Variants in RUBCN observed in about 807,000 individuals in gnomAD.
RUBCN encodes the protein rubicon autophagy regulator.
In RUBCN, 74 loss-of-function variants were observed where a neutral mutation model predicts 113.2. The ratio of observed to expected loss-of-function variants is 0.65; its 90% CI spans 0.54 to 0.79. The LOEUF (loss-of-function observed/expected upper bound fraction) is 0.79. Ranked by LOEUF, RUBCN falls within the 30% of genes least tolerant of loss-of-function variation. RUBCN has a pLI of 0.00. For missense variants in RUBCN, 1,109 were observed against 1,251.7 expected (o/e 0.89, Z 1.72); for synonymous variants, 480 against 490.0 (o/e 0.98, Z 0.27).
chr3:197,741,539 T>C (rs890207101), upstream of RUBCN, among the ~76,000 whole-genome samples: 12 of 152,166 alleles, frequency 7.9e-5, no homozygotes, highest in African/African-American at 2.7e-4. Context: ...TATTCAATTA[T>C]ATAGGAACTG....
At chr3:197,724,249 CATGTTATAATAAGT>C (rs568357044) in intron 1 of RUBCN, among the ~76,000 whole-genome samples, 190 of 152,130 alleles carry the variant, frequency 1.2e-3, no homozygotes, top group African/African-American at 4.2e-3. Flanking sequence ...TTAAGCTCAC[CATGTTATAATAAGT>C]ATGTTATAAT....
chr3:197,737,104 T>C (rs940456260), upstream of RUBCN: 4 of 309,472 alleles, frequency 1.3e-5, no homozygotes, highest in Non-Finnish European at 2.2e-5. Context: ...CGCTCGTGGA[T>C]TACTACGCAC....
At chr3:197,749,463 G>C in exon 1 of RUBCN, 1 of 1,270,314 alleles carries the variant, frequency 7.9e-7, no homozygotes, top group South Asian at 1.3e-5. Flanking sequence ...AGGTGGAGGA[G>C]CGTGCCAGGG....
At chr3:197,746,390 C>G (rs1728746718) in intron 1 of RUBCN, among the ~76,000 whole-genome samples, 1 of 152,154 alleles carries the variant, frequency 6.6e-6, no homozygotes, top group South Asian at 2.1e-4. Flanking sequence ...TTATCTCTGG[C>G]ACGCCTCAAT....
intron 1 of RUBCN, among the ~76,000 whole-genome samples, chr3:197,745,085 G>A (rs984371124): frequency 3.3e-5 from 5 of 151,794 alleles, no homozygotes; most frequent in African/African-American, 1.2e-4. Flanking sequence ...AAGAGATCGA[G>A]ACCATCCTGG....
chr3:197,717,436 T>C (rs1257473893), intron 2 of RUBCN, among the ~76,000 whole-genome samples: 2 of 137,156 alleles, frequency 1.5e-5, no homozygotes, highest in East Asian at 2.3e-4. Context: ...AGAGCGAGAC[T>C]CCGTCTCAAA....
At chr3:197,692,764 G>A (rs557313985) in intron 11 of RUBCN, among the ~76,000 whole-genome samples, 1 of 152,318 alleles carries the variant, frequency 6.6e-6, no homozygotes, top group South Asian at 2.1e-4. Context: ...CCTCGAAAAT[G>A]TGTGAAAAAA....
rs1408423591 is a variant in RUBCN, at chr3:197,707,094, AGCACTTTGGGAGGCCGAGGCAGGC to A, written c.220-1943_220-1920del. Among the ~76,000 whole-genome samples the A allele has an allele frequency of 2.0e-4, 30 of 150,822 alleles. 1 individual carries two copies. The highest frequency in any genetic ancestry group is 7.5e-4 in the African/African-American group (30 of 40,148). ...CGCGGTGGCTCACGCCTGTAATCCCAGCACTTTGGGAGGCCGAGGCAGGCAGATCACGAGGTCAGGAGGTCAAGA... is the reference window on the plus strand; with the variant it reads ...CGCGGTGGCTCACGCCTGTAATCCCAAGATCACGAGGTCAGGAGGTCAAGA... On this transcript the variant is annotated intron_variant, in intron 2 of 19. Coordinates refer to ENST00000296343, the MANE Select transcript of RUBCN (RefSeq NM_014687.4).
intron 2 of RUBCN, among the ~76,000 whole-genome samples, chr3:197,709,432 G>GT (rs1030164879): frequency 5.3e-5 from 8 of 152,086 alleles, no homozygotes; most frequent in African/African-American, 1.9e-4. Context: ...CCAAGCTGGA[G>GT]TGCAATGGCG....
Position 197,701,683 on chromosome 3 carries a change from T to C in RUBCN, c.727+25A>G, listed in dbSNP as rs1476939595. 6 of 1,610,608 alleles carry C rather than the reference T, an allele frequency of 3.7e-6. No individual in the cohort carries two copies. The African/African-American group carries it at 8.0e-5, about 22-fold the overall frequency. ...TTTCCAGGGCTGGGGATAAATGTAA[T>C]GACCACTTTTTCCTGTCCCCATACC... On this transcript the variant is annotated intron_variant, in intron 6 of 19. Transcript: ENST00000296343.
Position 197,677,536 on chromosome 3 carries a change from C to T in RUBCN, c.2436G>A (p.Leu812=). Residue 812 remains leucine, a synonymous_variant, in exon 17 of 20, where the codon CTG becomes CTA. Transcript: ENST00000296343. ...TCTTCATGTGACACAGCTGGACCCG[C>T]AGCAGCTGAAAAGAAAGAGAGGGGG... is the stretch of plus-strand genomic sequence containing the variant. ...KVKLLNQVRL[L]RVQLCHMKNM... is the part of the protein sequence containing the mutation. 1.9e-6 allele frequency: 3 copies of T among 1,614,054 alleles called. No homozygotes were observed. The highest frequency in any genetic ancestry group is 1.1e-5 in the South Asian group (1 of 91,084).
At chr3:197,733,872 A>T (rs2109008006) in intron 1 of RUBCN, among the ~76,000 whole-genome samples, 1 of 152,356 alleles carries the variant, frequency 6.6e-6, no homozygotes, top group South Asian at 2.1e-4. Context: ...CCTGAATGAC[A>T]GGCACAGAAT....
intron 2 of RUBCN, among the ~76,000 whole-genome samples, chr3:197,706,916 C>T (rs1254527356): frequency 6.6e-6 from 1 of 152,104 alleles, no homozygotes; most frequent in Admixed American, 6.5e-5. Context: ...TGAAGACCTT[C>T]AGTATTCTGG....
intron 1 of RUBCN, among the ~76,000 whole-genome samples, chr3:197,720,548 C>T (rs575095140): frequency 6.6e-6 from 1 of 152,200 alleles, no homozygotes; most frequent in East Asian, 1.9e-4. Flanking sequence ...GCTGGGACTA[C>T]AGGCGCAGGC....
intron 1 of RUBCN, among the ~76,000 whole-genome samples, chr3:197,720,347 A>T (rs1726008542): frequency 6.6e-6 from 1 of 152,280 alleles, no homozygotes; most frequent in African/African-American, 2.4e-5. Flanking sequence ...GAAAGAATTA[A>T]GGTTGAAGTG....
At chr3:197,726,258 A>C (rs956759743) in intron 1 of RUBCN, among the ~76,000 whole-genome samples, 2 of 151,214 alleles carry the variant, frequency 1.3e-5, no homozygotes, top group African/African-American at 4.9e-5. Flanking sequence ...TTTTATTTTT[A>C]TTTTTTGAGA....
rs1477119648 is a variant in RUBCN at position 197,683,910 on chromosome 3, A to G, written c.1847+247T>C. On this transcript the variant is annotated intron_variant, in intron 12 of 19. Coordinates refer to ENST00000296343, the MANE Select transcript of RUBCN (RefSeq NM_014687.4). This position sits in a 1 kb window ranked among gnomAD's most constrained non-coding sequence, Gnocchi z 4.6. ...TTGAGACCTTCTGGGGCCTCTGGTT[A>G]TGATGAGAGTCAGCAGAGAAGGAAT... Among the ~76,000 whole-genome samples the G allele has an allele frequency of 2.0e-5, 3 of 152,164 alleles. No individual in the cohort carries two copies. Among genetic ancestry groups the G allele is most frequent in the Non-Finnish European group, 2.9e-5 (2 of 68,028 alleles).
Position 197,711,229 on chromosome 3 carries a change from C to T in RUBCN, c.220-6054G>A, listed in dbSNP as rs149810956. ...TTAAGAATTCTAGGAATTTATCCTA[C>T]GGTAAAGGGCAAAATTATTTATACA... On this transcript the variant is annotated intron_variant, in intron 2 of 19. Coordinates refer to ENST00000296343, the MANE Select transcript of RUBCN (RefSeq NM_014687.4). Among the ~76,000 whole-genome samples, 320 of 152,212 alleles carry T rather than the reference C, an allele frequency of 2.1e-3. 3 individuals carry two copies. Among genetic ancestry groups the T allele is most frequent in the African/African-American group, 7.3e-3 (304 of 41,524 alleles).
At chr3:197,720,355 GTGTA>G (rs1258645212) in intron 1 of RUBCN, among the ~76,000 whole-genome samples, 1 of 152,102 alleles carries the variant, frequency 6.6e-6, no homozygotes, top group Non-Finnish European at 1.5e-5. Flanking sequence ...TAAGGTTGAA[GTGTA>G]TTCCATAGTG....
Sources: allele counts gnomAD v4.1 joint callset (sites outside exome capture counted in the v4.1 genomes callset), GRCh38; gene constraint gnomAD v4.1.1; non-coding constraint Gnocchi (gnomAD v3.1); transcripts MANE v1.5; gene names NCBI Gene and HGNC (gene_info 2026-07-23, HGNC 2026-07-21).